EGFR: variants seen among roughly 807,000 people sequenced by gnomAD.
The protein encoded by EGFR is epidermal growth factor receptor, also known as avian erythroblastic leukemia viral (v-erb-b) oncogene homolog.
Under a neutral mutation model 143.0 loss-of-function variants are expected in EGFR, and 58 were observed. The observed-to-expected ratio is 0.41, with a 90% confidence interval of 0.33 to 0.50. EGFR has a LOEUF of 0.50. Among genes scored for constraint, EGFR ranks in the 20% least tolerant of loss-of-function variants. The probability of loss-of-function intolerance (pLI) is 0.39; values close to 1 mark genes in which losing one functional copy is unlikely to be tolerated. For missense variants in EGFR, 1,307 were observed against 1,579.0 expected (o/e 0.83, Z 2.92); for synonymous variants, 613 against 594.4 (o/e 1.03, Z -0.45).
intron 1 of EGFR, among the ~76,000 whole-genome samples, chr7:55,098,280 C>T (rs555170873): frequency 3.3e-5 from 5 of 152,242 alleles, no homozygotes; most frequent in African/African-American, 7.2e-5. Context: ...TTGCAGCCTT[C>T]GGCAGCCAGG....
intron 1 of EGFR, among the ~76,000 whole-genome samples, chr7:55,090,511 TA>T (rs1791048162): frequency 6.6e-6 from 1 of 152,150 alleles, no homozygotes. Context: ...GATTCAGATA[TA>T]ATAACAAAAT....
At chr7:55,172,730 G>T in intron 16 of EGFR, 1 of 870,414 alleles carries the variant, frequency 1.1e-6, no homozygotes. Flanking sequence ...TATATGGAGA[G>T]GTCCAGATAA....
intron 12 of EGFR, 35 bp from the exon 13 acceptor site, chr7:55,161,462 CTG>C: frequency 6.2e-7 from 1 of 1,604,442 alleles, no homozygotes; most frequent in East Asian, 2.2e-5. Context: ...GGTCCCTGCT[CTG>C]TCACTGACTG....
chr7:55,078,089 G>A (rs1444102446), intron 1 of EGFR, among the ~76,000 whole-genome samples: 2 of 152,198 alleles, frequency 1.3e-5, no homozygotes, highest in African/African-American at 4.8e-5. Flanking sequence ...AGAAGCTCCT[G>A]CAGACCTTCT....
At position 55,202,508 on chromosome 7, in the gene EGFR, C is replaced by A. The variant is rs1290706044; in HGVS notation, c.3163-9C>A. ...GACCGGAGTAACCTTCCCTCATTTCCTCCTGCAGCTGCAAAGCTGTCCCAT... is the reference window on the plus strand; with the variant it reads ...GACCGGAGTAACCTTCCCTCATTTCATCCTGCAGCTGCAAAGCTGTCCCAT... On this transcript the variant is annotated splice_polypyrimidine_tract_variant and intron_variant, in intron 26 of 27. Coordinates refer to ENST00000275493, the MANE Select transcript of EGFR (RefSeq NM_005228.5). 6.3e-7 allele frequency: 1 copy of A among 1,599,626 alleles called. No individual in the cohort carries two copies.
Position 55,092,742 on chromosome 7 carries a change from G to A in EGFR, c.89-49544G>A, listed in dbSNP as rs999210767. Among the ~76,000 whole-genome samples the A allele has an allele frequency of 5.3e-5, 8 of 152,228 alleles. No individual in the cohort carries two copies. The East Asian group carries it at 9.6e-4, about 18-fold the overall frequency. ...GCAGATGAACATCATCCCTGTGCCCGGCTAATGATAGCTCGGCCTGCCCCG... is the reference window on the plus strand; with the variant it reads ...GCAGATGAACATCATCCCTGTGCCCAGCTAATGATAGCTCGGCCTGCCCCG... On this transcript the variant is annotated intron_variant, in intron 1 of 27. Coordinates refer to ENST00000275493, the MANE Select transcript of EGFR (RefSeq NM_005228.5).
At chr7:55,164,311 C>T (rs991577489) in intron 14 of EGFR, among the ~76,000 whole-genome samples, 2 of 152,082 alleles carry the variant, frequency 1.3e-5, no homozygotes, top group Non-Finnish European at 2.9e-5. Flanking sequence ...AGTGAGAATT[C>T]GGGCCCCTCT....
At chr7:55,148,717 C>T (rs1262298652) in intron 4 of EGFR, among the ~76,000 whole-genome samples, 94 of 152,244 alleles carry the variant, frequency 6.2e-4, no homozygotes, top group Non-Finnish European at 7.4e-5. Context: ...TCACCATCGA[C>T]CTGATACCTG....
intron 1 of EGFR, among the ~76,000 whole-genome samples, chr7:55,042,799 G>T (rs753819248): frequency 6.6e-6 from 1 of 152,102 alleles, no homozygotes; most frequent in Non-Finnish European, 1.5e-5. Flanking sequence ...TCTTGACTTT[G>T]CATCTACAAG....
At chr7:55,203,797 C>T (rs900742668) in intron 27 of EGFR, among the ~76,000 whole-genome samples, 1 of 149,090 alleles carries the variant, frequency 6.7e-6, no homozygotes, top group Non-Finnish European at 1.5e-5. Context: ...ACACCCACAC[C>T]CCACACACAC....
chr7:55,052,638 T>C (rs1159769366), intron 1 of EGFR, among the ~76,000 whole-genome samples: 1 of 152,168 alleles, frequency 6.6e-6, no homozygotes, highest in Non-Finnish European at 1.5e-5. Context: ...GAGGAAGGGA[T>C]GCAGCCAGGT....
At chr7:55,027,987 A>ATATATAT (rs1158500265) in intron 1 of EGFR, among the ~76,000 whole-genome samples, 2 of 79,136 alleles carry the variant, frequency 2.5e-5, no homozygotes, top group South Asian at 5.6e-4. Flanking sequence ...AAAAAAAAAA[A>ATATATAT]AAAAATATAT....
chr7:55,067,414 G>T lies in EGFR; in HGVS notation c.88+48049G>T, dbSNP rs1246915944. ...AATAGTTGCCTGCATAGACAACGCA[G>T]AATGACTGGGAAAGCCCCAACAAGT... On this transcript the variant is annotated intron_variant, in intron 1 of 27. Coordinates refer to ENST00000275493, the MANE Select transcript of EGFR (RefSeq NM_005228.5). Among the ~76,000 whole-genome samples, 4 of 151,464 alleles carry T rather than the reference G, an allele frequency of 2.6e-5. 1 individual carries two copies. The highest frequency in any genetic ancestry group is 2.0e-4 in the Admixed American group (3 of 15,268).
intron 1 of EGFR, among the ~76,000 whole-genome samples, chr7:55,137,289 T>C (rs1237117533): frequency 6.6e-6 from 1 of 152,216 alleles, no homozygotes; most frequent in African/African-American, 2.4e-5. Context: ...CAGCAGCCTT[T>C]AATGCATAGC....
intron 1 of EGFR, among the ~76,000 whole-genome samples, chr7:55,063,510 T>C (rs1789315336): frequency 6.6e-6 from 1 of 152,194 alleles, no homozygotes; most frequent in Non-Finnish European, 1.5e-5. Context: ...GTATTTTAAA[T>C]GAATACTAAA....
intron 1 of EGFR, among the ~76,000 whole-genome samples, chr7:55,057,564 G>A (rs1333620120): frequency 6.6e-6 from 1 of 152,220 alleles, no homozygotes; most frequent in African/African-American, 2.4e-5. Flanking sequence ...TGTGTGAGAG[G>A]TGTGGTTTCA....
rs1794771957 is a variant in EGFR at position 55,146,581 on chromosome 7, T to C, written c.425-25T>C. On this transcript the variant is annotated intron_variant, in intron 3 of 27. Coordinates refer to ENST00000275493, the MANE Select transcript of EGFR (RefSeq NM_005228.5). ...AATTTAAAGGAGCTGGAAAGAGTGC[T>C]CACCGCAGTTCCATTCTCCCGCAGA... The C allele has an allele frequency of 1.9e-6, 3 of 1,613,602 alleles. No individual in the cohort carries two copies. In the Admixed American group the frequency reaches 5.0e-5, roughly 27 times the overall value.
At chr7:55,023,938 C>T (rs186315243) in intron 1 of EGFR, among the ~76,000 whole-genome samples, 116 of 152,236 alleles carry the variant, frequency 7.6e-4, no homozygotes, top group South Asian at 3.9e-3. Flanking sequence ...GCTCTTTGGA[C>T]GACATCTCTA....
intron 20 of EGFR, among the ~76,000 whole-genome samples, chr7:55,189,545 G>A (rs1328478316): frequency 1.3e-5 from 2 of 152,222 alleles, no homozygotes; most frequent in African/African-American, 2.4e-5. Flanking sequence ...GTGGTGAAAC[G>A]AAGCTGGGAA....
Sources: gnomAD v4.1 joint callset for allele counts (sites outside exome capture counted in the v4.1 genomes callset) on GRCh38, gnomAD v4.1.1 for gene constraint, MANE v1.5 for transcripts, NCBI Gene and HGNC (gene_info 2026-07-23, HGNC 2026-07-21) for gene names.